DPP9: variants seen among roughly 807,000 people sequenced by gnomAD.
DPP9 encodes the protein dipeptidyl peptidase IV-related protein-2.
A neutral mutation model predicts 110.7 loss-of-function variants in DPP9; 50 were observed. The ratio of observed to expected loss-of-function variants is 0.45; its 90% confidence interval spans 0.36 to 0.57. The LOEUF (loss-of-function observed/expected upper bound fraction) is 0.57. DPP9 is among the 20% of genes least tolerant of loss of function. The pLI is 0.00. For synonymous variants in DPP9, 561 were observed against 514.4 expected (o/e 1.09, Z -1.23); for missense variants, 1,022 against 1,217.9 (o/e 0.84, Z 2.39).
At position 4,682,895 on chromosome 19, in the gene DPP9, T is replaced by C; in HGVS notation, c.2332-57A>G. ...GAGAGAGAGAGAAACAGGCGTCGGG[T>C]CCTACAGCCAGCATCAGCCGCTGTC... is the stretch of plus-strand genomic sequence containing the variant. On this transcript the variant is annotated intron_variant, in intron 19 of 21. Coordinates refer to ENST00000262960, the MANE Select transcript of DPP9 (RefSeq NM_139159.5). The surrounding 1 kb of genome is among the most constrained non-coding windows in gnomAD (Gnocchi z 7.1). 6.5e-7 allele frequency: 1 copy of C among 1,544,868 alleles called. No homozygotes were observed. The highest frequency in any genetic ancestry group is 8.7e-7 in the Non-Finnish European group (1 of 1,147,452).
intron 4 of DPP9, among the ~76,000 whole-genome samples, chr19:4,708,783 G>C (rs1206909927): frequency 6.6e-6 from 1 of 152,192 alleles, no homozygotes. Context: ...GGGCCTATTG[G>C]AGGGTGGAGG....
intron 11 of DPP9, 141 bp downstream of exon 11, chr19:4,697,410 G>A: frequency 3.0e-6 from 2 of 672,592 alleles, no homozygotes; most frequent in South Asian, 3.8e-5. Context: ...ACTGGTCTGA[G>A]GCCTGTCCTG....
At chr19:4,702,875 C>CGAGGGAGAGGGAG in intron 7 of DPP9, among the ~76,000 whole-genome samples, 159 bp from the exon 8 acceptor site, 1 of 8,750 alleles carries the variant, frequency 1.1e-4, no homozygotes, top group African/African-American at 5.1e-4. Context: ...AGGGAGAGCT[C>CGAGGGAGAGGGAG]GGAGCCGACT....
At chr19:4,697,736 A>G (rs368495901) in intron 10 of DPP9, 85 bp from the exon 11 acceptor site, 3 of 1,094,930 alleles carry the variant, frequency 2.7e-6, no homozygotes. Flanking sequence ...GGGTCCCATC[A>G]TGTCCCCCCC....
chr19:4,697,511 C>T (rs998935195), intron 11 of DPP9, 40 bp downstream of exon 11: 2 of 1,573,520 alleles, frequency 1.3e-6, no homozygotes, highest in African/African-American at 2.7e-5. Flanking sequence ...GCCCAGGGCC[C>T]TGCAGGTGAA....
intron 21 of DPP9, 86 bp downstream of exon 21, chr19:4,679,749 T>C: frequency 1.9e-6 from 2 of 1,062,386 alleles, no homozygotes; most frequent in Non-Finnish European, 2.8e-6. Flanking sequence ...CTGGTCACAG[T>C]GGGAAGCCAC....
chr19:4,720,016 G>A (rs1280231853), intron 2 of DPP9, 75 bp from the exon 3 acceptor site: 193 of 1,029,166 alleles, frequency 1.9e-4, no homozygotes, highest in Non-Finnish European at 2.3e-4. Context: ...TGCCCCCTTC[G>A]CCCCCTCCTC....
rs2090026074 is a variant in DPP9 at position 4,682,374 on chromosome 19, A to T, written c.2474+322T>A. ...TGGGGCCTCCAGCAGGATGCAGGGG[A>T]GTGGGGGAGGCTTGCCTGTGAAAAG... On this transcript the variant is annotated intron_variant, in intron 20 of 21. Transcript: ENST00000262960. The surrounding 1 kb of genome is among the most constrained non-coding windows in gnomAD (Gnocchi z 7.1). Among the ~76,000 whole-genome samples the T allele has an allele frequency of 6.6e-6, 1 of 152,130 alleles. No homozygotes were observed. The highest frequency in any genetic ancestry group is 1.5e-5 in the Non-Finnish European group (1 of 68,008).
At chr19:4,699,904 G>T (rs1299867068) in intron 10 of DPP9, among the ~76,000 whole-genome samples, 1 of 152,220 alleles carries the variant, frequency 6.6e-6, no homozygotes, top group Non-Finnish European at 1.5e-5. Context: ...CCACTCCCGA[G>T]GTGGCCTGGG....
chr19:4,698,217 T>TA lies in DPP9; in HGVS notation c.1075-567dup, dbSNP rs1458882606. Among the ~76,000 whole-genome samples, 3 of 152,186 alleles carry TA rather than the reference T, an allele frequency of 2.0e-5. No individual in the cohort carries two copies. Among genetic ancestry groups the TA allele is most frequent in the African/African-American group, 7.2e-5 (3 of 41,444 alleles). ...CCCGGACCCAGGGCTTCCCCATGCT[T>TA]AAACAGGGCTGGCACGGCGTTTCCA... is the stretch of plus-strand genomic sequence containing the variant. On this transcript the variant is annotated intron_variant, in intron 10 of 21. Coordinates refer to ENST00000262960, the MANE Select transcript of DPP9 (RefSeq NM_139159.5). The surrounding 1 kb of genome is among the most constrained non-coding windows in gnomAD (Gnocchi z 4.2).
intron 20 of DPP9, among the ~76,000 whole-genome samples, chr19:4,681,157 T>C (rs182479795): frequency 6.6e-6 from 1 of 152,074 alleles, no homozygotes. Context: ...ATAAACCCAT[T>C]GAGACAGAGC....
At chr19:4,690,292 C>T (rs891014519) in intron 14 of DPP9, among the ~76,000 whole-genome samples, 4 of 152,332 alleles carry the variant, frequency 2.6e-5, no homozygotes, top group South Asian at 4.1e-4. Flanking sequence ...TGCCCAGGAG[C>T]GAGCAGGCTT....
Position 4,700,237 on chromosome 19 carries a change from G to A in DPP9, c.1053C>T (p.Phe351=). 6.3e-7 allele frequency: 1 copy of A among 1,599,488 alleles called. No homozygotes were observed. Among genetic ancestry groups the A allele is most frequent in the East Asian group, 2.3e-5 (1 of 44,308 alleles). Residue 351 remains phenylalanine, a synonymous_variant, in exon 10 of 22, where the codon TTC becomes TTT. Coordinates refer to ENST00000262960, the MANE Select transcript of DPP9 (RefSeq NM_139159.5). This position sits in a 1 kb window ranked among gnomAD's most constrained non-coding sequence, Gnocchi z 4.3. The part of the protein sequence containing the change: ...NPKIALKLAE[F]QTDSQGKIVS... Reference sequence around the variant, plus strand: ...TTACCTTGCCCTGGCTGTCAGTCTGGAACTCAGCCAGTTTCAAGGCAATCT... The same window carrying A: ...TTACCTTGCCCTGGCTGTCAGTCTGAAACTCAGCCAGTTTCAAGGCAATCT...
Position 4,722,382 on chromosome 19 carries a change from A to G in DPP9, c.-36+117T>C, listed in dbSNP as rs367829650. On this transcript the variant is annotated intron_variant, in intron 2 of 21. Transcript: ENST00000262960. ...TGCAGCCACTGCCCTGCGGAGGACA[A>G]CCATCCAGGGCCATAGAAAACCATT... The G allele has an allele frequency of 3.7e-5, 23 of 615,052 alleles. 1 individual carries two copies. The highest frequency in any genetic ancestry group is 3.3e-4 in the African/African-American group (18 of 53,880). 38.1% of individuals were successfully genotyped at this position (615,052 alleles called of 1,614,324 possible).
At position 4,700,927 on chromosome 19, in the gene DPP9, T is replaced by C. The variant is rs1376133676; in HGVS notation, c.1013-650A>G. Among the ~76,000 whole-genome samples the C allele has an allele frequency of 6.6e-6, 1 of 152,178 alleles. No homozygotes were observed. Among genetic ancestry groups the C allele is most frequent in the East Asian group, 1.9e-4 (1 of 5,196 alleles). On this transcript the variant is annotated intron_variant, in intron 9 of 21. Coordinates refer to ENST00000262960, the MANE Select transcript of DPP9 (RefSeq NM_139159.5). This position sits in a 1 kb window ranked among gnomAD's most constrained non-coding sequence, Gnocchi z 4.3. ...CCAGGGCAGGTGACATCTCTGAGCCTGTTTTCTCATCTGTCATACGAGGGG... is the reference window on the plus strand; with the variant it reads ...CCAGGGCAGGTGACATCTCTGAGCCCGTTTTCTCATCTGTCATACGAGGGG...
intron 19 of DPP9, 179 bp downstream of exon 19, chr19:4,683,295 TGAG>T: frequency 7.0e-7 from 1 of 1,436,638 alleles, no homozygotes. Flanking sequence ...TGGCGGGCAA[TGAG>T]GAGGGGGGCT....
rs192305441 is a variant in DPP9 at position 4,713,323 on chromosome 19, C to T, written c.313+758G>A. On this transcript the variant is annotated intron_variant, in intron 4 of 21. Coordinates refer to ENST00000262960, the MANE Select transcript of DPP9 (RefSeq NM_139159.5). Reference sequence around the variant, plus strand: ...GCCTCTGGGTGCAGTGGGCACCATCCGAATATCCGCTGCCCACCTCACGGG... The same window carrying T: ...GCCTCTGGGTGCAGTGGGCACCATCTGAATATCCGCTGCCCACCTCACGGG... Among the ~76,000 whole-genome samples, 601 of 152,346 alleles carry T rather than the reference C, an allele frequency of 3.9e-3. 7 individuals carry two copies. Among genetic ancestry groups the T allele is most frequent in the Middle Eastern group, 6.8e-3 (2 of 294 alleles).
In DPP9 at chr19:4,675,367, T is replaced by A. The variant is rs1163057714; in HGVS notation, c.*1197A>T. ...TTTTTTTTTTTTCTTTTCTTTTTACTTTTTTTTTTGCCCGCCCCTGGCAGA... is the reference window on the plus strand; with the variant it reads ...TTTTTTTTTTTTCTTTTCTTTTTACATTTTTTTTTGCCCGCCCCTGGCAGA... On this transcript the variant is annotated 3_prime_UTR_variant, in exon 22 of 22. Transcript: ENST00000262960. 1 of 148,690 alleles carries A rather than the reference T, an allele frequency of 6.7e-6. No homozygotes were observed. The highest frequency in any genetic ancestry group is 2.5e-5 in the African/African-American group (1 of 40,590). The allele number at this position is 148,690 out of a possible 1,614,324, so 9.2% of individuals were successfully genotyped here.
chr19:4,713,972 C>T (rs2092958654), intron 4 of DPP9, 109 bp downstream of exon 4: 1 of 1,425,410 alleles, frequency 7.0e-7, no homozygotes, highest in African/African-American at 1.4e-5. Context: ...AGGGCCCAGC[C>T]ATCCGAGCAG....
Sources: allele counts gnomAD v4.1 joint callset (sites outside exome capture counted in the v4.1 genomes callset), GRCh38; gene constraint gnomAD v4.1.1; non-coding constraint Gnocchi (gnomAD v3.1); transcripts MANE v1.5; gene names NCBI Gene and HGNC (gene_info 2026-07-23, HGNC 2026-07-21).